ASB18: variants seen among roughly 807,000 people sequenced by gnomAD.
The protein encoded by ASB18 is ankyrin repeat and SOCS box protein 18.
A neutral mutation model predicts 33.4 loss-of-function variants in ASB18; 33 were observed. The observed-to-expected ratio is 0.99, with a 90% confidence interval of 0.75 to 1.32. The LOEUF (loss-of-function observed/expected upper bound fraction) is 1.32. Ranked by LOEUF, ASB18 falls within the 40% of genes most tolerant of loss-of-function variation. The pLI, the probability that ASB18 is intolerant of heterozygous loss-of-function variation, is 0.00. For synonymous variants in ASB18, 295 were observed against 307.6 expected, an observed-to-expected ratio of 0.96 and a Z score of 0.43; for missense variants, 694 against 655.5, an observed-to-expected ratio of 1.06 and a Z score of -0.64.
chr2:236,242,940 G>A (rs1483155621), intron 1 of ASB18, among the ~76,000 whole-genome samples: 4 of 143,780 alleles, frequency 2.8e-5, no homozygotes, highest in African/African-American at 1.0e-4. Flanking sequence ...AGGATCACTA[G>A]AGCTTGGGAG....
Position 236,194,896 on chromosome 2 carries a change from C to T in ASB18, c.1377G>A (p.Leu459=). 6.2e-7 allele frequency: 1 copy of T among 1,613,614 alleles called. No individual in the cohort carries two copies. Among genetic ancestry groups the T allele is most frequent in the Non-Finnish European group, 8.5e-7 (1 of 1,179,774 alleles). Residue 459 remains leucine (L), a synonymous_variant, in exon 6 of 6, where the codon TTG becomes TTA. Transcript: ENST00000409749. This position sits in a 1 kb window ranked among gnomAD's most constrained non-coding sequence, Gnocchi z 4.5. ...LPKPLQNYLL[L]EPQGVLH ...TTCAGTGCAAAACACCCTGTGGCTCCAAAAGTAGGTAATTCTGCAGGGGCT... is the reference window on the plus strand; with the variant it reads ...TTCAGTGCAAAACACCCTGTGGCTCTAAAAGTAGGTAATTCTGCAGGGGCT...
In ASB18 at chr2:236,196,588, G is replaced by A. The variant is rs534937038; in HGVS notation, c.1102-203C>T. ...AGTGCACACAAAGACACAAGGCAAC[G>A]GCTCTGCAAGGGAGCCCTCCTTCCC... is the stretch of plus-strand genomic sequence containing the variant. On this transcript the variant is annotated intron_variant, in intron 4 of 5. Transcript: ENST00000409749. The surrounding 1 kb of genome is among the most constrained non-coding windows in gnomAD (Gnocchi z 5.6). Among the ~76,000 whole-genome samples, 1 of 152,200 alleles carries A rather than the reference G, an allele frequency of 6.6e-6. No homozygotes were observed. Among genetic ancestry groups the A allele is most frequent in the South Asian group, 2.1e-4 (1 of 4,824 alleles).
intron 3 of ASB18, among the ~76,000 whole-genome samples, chr2:236,230,931 T>C (rs1045484859): frequency 3.3e-5 from 5 of 151,964 alleles, no homozygotes; most frequent in African/African-American, 1.2e-4. Flanking sequence ...CAGATTGGAT[T>C]AAAAAAAGCA....
At position 236,239,713 on chromosome 2, in the gene ASB18, C is replaced by T. The variant is rs192807315; in HGVS notation, c.328+1567G>A. On this transcript the variant is annotated intron_variant, in intron 2 of 5. Coordinates refer to ENST00000409749, the MANE Select transcript of ASB18 (RefSeq NM_212556.4). The surrounding 1 kb of genome is among the most constrained non-coding windows in gnomAD (Gnocchi z 5.6). ...GTGGTGGCCACTGGGGACCTGCTCCCTGTACTCAGATCAATCCCTTCCCCA... is the reference window on the plus strand; with the variant it reads ...GTGGTGGCCACTGGGGACCTGCTCCTTGTACTCAGATCAATCCCTTCCCCA... Among the ~76,000 whole-genome samples the T allele has an allele frequency of 6.6e-6, 1 of 152,240 alleles. No homozygotes were observed. The highest frequency in any genetic ancestry group is 2.4e-5 in the African/African-American group (1 of 41,456).
rs891078319 is a variant in ASB18 at position 236,214,368 on chromosome 2, G to A, written c.1095C>T (p.Phe365=). ...GGGCTGGATCCTGCCTTACCTTGGG[G>A]AAGGCGTCGGGCCACACGGTGGGAG... is the stretch of plus-strand genomic sequence containing the variant. The part of the protein sequence containing the change: ...HGSPTVWPDA[F]PKVLKTCASV... The change falls in exon 4 of 6, where the codon TTC becomes TTT. Residue 365 remains phenylalanine, a synonymous_variant. Coordinates refer to ENST00000409749, the MANE Select transcript of ASB18 (RefSeq NM_212556.4). This position sits in a 1 kb window ranked among gnomAD's most constrained non-coding sequence, Gnocchi z 6.5. 28 of 1,575,426 alleles carry A rather than the reference G, an allele frequency of 1.8e-5. No individual in the cohort carries two copies. The highest frequency in any genetic ancestry group is 1.7e-4 in the Middle Eastern group (1 of 6,010).
In ASB18 at chr2:236,213,494, T is replaced by G. The variant is rs901951317; in HGVS notation, c.1101+868A>C. Among the ~76,000 whole-genome samples, 1 of 152,212 alleles carries G rather than the reference T, an allele frequency of 6.6e-6. No homozygotes were observed. The highest frequency in any genetic ancestry group is 1.5e-5 in the Non-Finnish European group (1 of 68,040). On this transcript the variant is annotated intron_variant, in intron 4 of 5. Transcript: ENST00000409749. The surrounding 1 kb of genome is among the most constrained non-coding windows in gnomAD (Gnocchi z 4.8). ...ATGAGTCTTGGTTGATGGAGATAATTTTTAAATTAAACACACCCGGATTTT... is the reference window on the plus strand; with the variant it reads ...ATGAGTCTTGGTTGATGGAGATAATGTTTAAATTAAACACACCCGGATTTT...
In ASB18 at chr2:236,225,067, A is replaced by G. The variant is rs1177530116; in HGVS notation, c.597-10201T>C. Among the ~76,000 whole-genome samples, 2 of 152,296 alleles carry G rather than the reference A, an allele frequency of 1.3e-5. No homozygotes were observed. The highest frequency in any genetic ancestry group is 4.1e-4 in the South Asian group (2 of 4,830). ...TGGAGACTGCTGGGTCCCCCCACCC[A>G]TAAGATAATTAGCTGCTTTTATAGA... On this transcript the variant is annotated intron_variant, in intron 3 of 5. Coordinates refer to ENST00000409749, the MANE Select transcript of ASB18 (RefSeq NM_212556.4). This position sits in a 1 kb window ranked among gnomAD's most constrained non-coding sequence, Gnocchi z 5.1.
rs2060669369 is a variant in ASB18, at chr2:236,251,618, C to A, written c.206-10216G>T. ...GGTCTAGGAGACAATTTGGTCAACACTGCATCCAGCAAAGTGAGGCCAGTT... is the reference window on the plus strand; with the variant it reads ...GGTCTAGGAGACAATTTGGTCAACAATGCATCCAGCAAAGTGAGGCCAGTT... On this transcript the variant is annotated intron_variant, in intron 1 of 5. Coordinates refer to ENST00000409749, the MANE Select transcript of ASB18 (RefSeq NM_212556.4). The surrounding 1 kb of genome is among the most constrained non-coding windows in gnomAD (Gnocchi z 5.3). 6.6e-6 allele frequency among the ~76,000 whole-genome samples: 1 copy of A among 152,178 alleles called. No individual in the cohort carries two copies. The highest frequency in any genetic ancestry group is 1.5e-5 in the Non-Finnish European group (1 of 68,040).
In ASB18 at chr2:236,222,803, TGAGTTCA is replaced by T. The variant is rs1176842820; in HGVS notation, c.597-7944_597-7938del. Among the ~76,000 whole-genome samples, 1 of 152,194 alleles carries T rather than the reference TGAGTTCA, an allele frequency of 6.6e-6. No homozygotes were observed. Among genetic ancestry groups the T allele is most frequent in the African/African-American group, 2.4e-5 (1 of 41,436 alleles). On this transcript the variant is annotated intron_variant, in intron 3 of 5. Coordinates refer to ENST00000409749, the MANE Select transcript of ASB18 (RefSeq NM_212556.4). This position sits in a 1 kb window ranked among gnomAD's most constrained non-coding sequence, Gnocchi z 5.5. ...GGGAGGCCGAGGTATGTGGATCACC[TGAGTTCA>T]GGAGTTTGAGACCAGCCTGGCCAAC... is the stretch of plus-strand genomic sequence containing the variant.
At chr2:236,212,799 A>T (rs1003785854) in intron 4 of ASB18, among the ~76,000 whole-genome samples, 5 of 151,812 alleles carry the variant, frequency 3.3e-5, no homozygotes, top group Admixed American at 1.3e-4. Context: ...TAATTTTTTT[A>T]AAAAAATTTT....
In ASB18 at chr2:236,237,370, G is replaced by A. The variant is rs1262676506; in HGVS notation, c.596+319C>T. ...GGGCCGGGGCGCGGGGCGGGGGCCG[G>A]GGCCGGGGCGCGGGGCGGGGGCCGG... On this transcript the variant is annotated intron_variant, in intron 3 of 5. Coordinates refer to ENST00000409749, the MANE Select transcript of ASB18 (RefSeq NM_212556.4). The surrounding 1 kb of genome is among the most constrained non-coding windows in gnomAD (Gnocchi z 6.2). 1.2e-5 allele frequency among the ~76,000 whole-genome samples: 1 copy of A among 85,078 alleles called. No homozygotes were observed. Among genetic ancestry groups the A allele is most frequent in the Non-Finnish European group, 2.4e-5 (1 of 41,708 alleles). 55.8% of individuals were successfully genotyped at this position (85,078 alleles called of 152,430 possible). A position where few individuals can be genotyped will look rare whatever the true frequency, so the allele number is the denominator to read the frequency against.
In ASB18 at chr2:236,249,306, T is replaced by C. The variant is rs1485130481; in HGVS notation, c.206-7904A>G. 2.0e-5 allele frequency: 3 copies of C among 152,210 alleles called. No individual in the cohort carries two copies. The allele number at this position is 152,210 out of a possible 1,614,324, so 9.4% of individuals were successfully genotyped here. On this transcript the variant is annotated intron_variant, in intron 1 of 5. Coordinates refer to ENST00000409749, the MANE Select transcript of ASB18 (RefSeq NM_212556.4). The surrounding 1 kb of genome is among the most constrained non-coding windows in gnomAD (Gnocchi z 4.6). ...ACAATGGCGGCCACAATTGGCTTCT[T>C]TGATTTTTCTTGGTTGGTTGGTTTG...
rs1308236401 is a variant in ASB18 at position 236,209,849 on chromosome 2, G to A, written c.1101+4513C>T. On this transcript the variant is annotated intron_variant, in intron 4 of 5. Coordinates refer to ENST00000409749, the MANE Select transcript of ASB18 (RefSeq NM_212556.4). This position sits in a 1 kb window ranked among gnomAD's most constrained non-coding sequence, Gnocchi z 4.4. ...CTAGCTGTTTCCTCTCCAACGACTA[G>A]CTCATTTTTCCAACTGCACACATTG... 7.2e-5 allele frequency among the ~76,000 whole-genome samples: 11 copies of A among 152,186 alleles called. No homozygotes were observed. The highest frequency in any genetic ancestry group is 1.5e-4 in the Non-Finnish European group (10 of 68,034).
Position 236,239,436 on chromosome 2 carries a change from G to A in ASB18, c.329-1480C>T, listed in dbSNP as rs1361121845. Among the ~76,000 whole-genome samples the A allele has an allele frequency of 1.3e-5, 2 of 151,786 alleles. No individual in the cohort carries two copies. Among genetic ancestry groups the A allele is most frequent in the African/African-American group, 2.4e-5 (1 of 41,344 alleles). ...CCTTGGCGATGCAGTCAGGAAGTCT[G>A]AATCAGCTTTCTGTAACTCCCGCCC... is the stretch of plus-strand genomic sequence containing the variant. On this transcript the variant is annotated intron_variant, in intron 2 of 5. Transcript: ENST00000409749. This position sits in a 1 kb window ranked among gnomAD's most constrained non-coding sequence, Gnocchi z 5.6.
At chr2:236,261,943 A>G (rs555230003) in intron 1 of ASB18, among the ~76,000 whole-genome samples, 3 of 152,330 alleles carry the variant, frequency 2.0e-5, no homozygotes, top group African/African-American at 7.2e-5. Flanking sequence ...AACTGTCCCC[A>G]TGATTCAATT....
intron 1 of ASB18, among the ~76,000 whole-genome samples, chr2:236,246,654 A>T (rs1331777269): frequency 1.3e-5 from 2 of 152,186 alleles, no homozygotes; most frequent in African/African-American, 2.4e-5. Flanking sequence ...AAAATGACCA[A>T]TAGTAACACA....
At chr2:236,212,687 C>T (rs2060464585) in intron 4 of ASB18, among the ~76,000 whole-genome samples, 1 of 152,102 alleles carries the variant, frequency 6.6e-6, no homozygotes, top group Non-Finnish European at 1.5e-5. Flanking sequence ...TGTAGTGTTG[C>T]TATCACAGCT....
chr2:236,233,023 A>T (rs1299151997), intron 3 of ASB18, among the ~76,000 whole-genome samples: 1 of 152,118 alleles, frequency 6.6e-6, no homozygotes, highest in African/African-American at 2.4e-5. Context: ...TTTCATTAAC[A>T]TAGATGCGGA....
rs1417300776 is a variant in ASB18 at position 236,231,405 on chromosome 2, A to G, written c.596+6284T>C. On this transcript the variant is annotated intron_variant, in intron 3 of 5. Transcript: ENST00000409749. The surrounding 1 kb of genome is among the most constrained non-coding windows in gnomAD (Gnocchi z 5.5). ...CCTCATAGATGGGATTAGTGCCCTT[A>G]TAAAAGGGCTTGAGGGATTAAATTT... Among the ~76,000 whole-genome samples the G allele has an allele frequency of 1.3e-5, 2 of 152,208 alleles. No individual in the cohort carries two copies. The highest frequency in any genetic ancestry group is 6.5e-5 in the Admixed American group (1 of 15,276).
Sources: allele counts gnomAD v4.1 joint callset (sites outside exome capture counted in the v4.1 genomes callset), GRCh38; gene constraint gnomAD v4.1.1; non-coding constraint Gnocchi (gnomAD v3.1); transcripts MANE v1.5; gene names NCBI Gene and HGNC (gene_info 2026-07-23, HGNC 2026-07-21).